PRAG1: variants seen among roughly 807,000 people sequenced by gnomAD.
PRAG1 encodes the protein inactive tyrosine-protein kinase PRAG1.
In PRAG1, 110 loss-of-function variants were observed where a neutral mutation model predicts 95.6. That is an observed-to-expected ratio of 1.15 (90% CI 0.99 to 1.35). The LOEUF (loss-of-function observed/expected upper bound fraction) is 1.35. Among genes scored for constraint, PRAG1 ranks in the 40% most tolerant of loss-of-function variants. The pLI is 0.00. For missense variants in PRAG1, 2,554 were observed against 1,864.7 expected, an observed-to-expected ratio of 1.37 and a Z score of -6.81; for synonymous variants, 1,052 against 819.4, an observed-to-expected ratio of 1.28 and a Z score of -4.85.
chr8:8,339,417 C>T (rs920658485), intron 4 of PRAG1, 61 bp downstream of exon 4: 5 of 1,574,950 alleles, frequency 3.2e-6, no homozygotes, highest in Non-Finnish European at 4.4e-6. Flanking sequence ...GCAAGCAACG[C>T]AGGACTGGTC....
At chr8:8,350,011 G>A (rs1193678791) in intron 3 of PRAG1, among the ~76,000 whole-genome samples, 1 of 151,644 alleles carries the variant, frequency 6.6e-6, no homozygotes, top group African/African-American at 2.4e-5. Flanking sequence ...TCGGTTACTA[G>A]TTGGTTTCAG....
intron 1 of PRAG1, 25 bp from the exon 2 acceptor site, chr8:8,381,859 A>T: frequency 1.2e-6 from 1 of 814,026 alleles, no homozygotes; most frequent in Non-Finnish European, 1.9e-6. Context: ...CAGTTTCCTG[A>T]TTAGAGATTT....
Position 8,381,819 on chromosome 8 carries a change from G to T in PRAG1, c.-72C>A. ...GCAGTTTTGTGGGATTCAGAGGTGG[G>T]TCACAGAGCGGCTTCCTAGAAAGGC... is the stretch of plus-strand genomic sequence containing the variant. On this transcript the variant is annotated 5_prime_UTR_variant, in exon 2 of 6. Transcript: ENST00000615670. 1 of 1,289,310 alleles carries T rather than the reference G, an allele frequency of 7.8e-7. No homozygotes were observed. The highest frequency in any genetic ancestry group is 1.1e-6 in the Non-Finnish European group (1 of 950,948). The allele number at this position is 1,289,310 out of a possible 1,614,324, so 79.9% of individuals were successfully genotyped here.
rs144993165 is a variant in PRAG1, at chr8:8,378,674, A to T, written c.331-596T>A. 5.7e-3 allele frequency among the ~76,000 whole-genome samples: 872 copies of T among 152,220 alleles called. 15 individuals carry two copies. Among genetic ancestry groups the T allele is most frequent in the Non-Finnish European group, 8.9e-3 (603 of 68,004 alleles). ...CAGGAGTTCAAGACGAGCCTGGGCA[A>T]CATGGCCAAATCCCATCTCTACAAA... On this transcript the variant is annotated intron_variant, in intron 2 of 5. Coordinates refer to ENST00000615670, the MANE Select transcript of PRAG1 (RefSeq NM_001080826.3).
chr8:8,345,370 A>C (rs1799305413), intron 3 of PRAG1, among the ~76,000 whole-genome samples: 1 of 150,362 alleles, frequency 6.7e-6, no homozygotes, highest in African/African-American at 2.4e-5. Flanking sequence ...GTCTCTACAA[A>C]AAAAAAAAAA....
At chr8:8,331,027 C>A (rs576434532) in intron 4 of PRAG1, among the ~76,000 whole-genome samples, 2 of 152,150 alleles carry the variant, frequency 1.3e-5, no homozygotes, top group Non-Finnish European at 2.9e-5. Flanking sequence ...CCGTCACCAG[C>A]GAGGCGTCTG....
At chr8:8,374,019 C>A (rs1800298921) in intron 3 of PRAG1, among the ~76,000 whole-genome samples, 1 of 152,180 alleles carries the variant, frequency 6.6e-6, no homozygotes, top group Non-Finnish European at 1.5e-5. Flanking sequence ...GAGTGGCGTT[C>A]CTGGGATTGA....
intron 4 of PRAG1, among the ~76,000 whole-genome samples, chr8:8,334,843 G>A (rs777012501): frequency 1.4e-4 from 21 of 151,998 alleles, no homozygotes; most frequent in Admixed American, 3.9e-4. Context: ...AGCACTTTGG[G>A]AGGCTGAGGT....
chr8:8,328,208 G>C lies in PRAG1; in HGVS notation c.2574C>G (p.Asp858Glu). ...TCAACGAATAGCTAAAGTGAGATTCGTCGTGGACGTTGGTTTCCGAGTGGC... is the reference window on the plus strand; with the variant it reads ...TCAACGAATAGCTAAAGTGAGATTCCTCGTGGACGTTGGTTTCCGAGTGGC... ...NLSHSETNVH[D>E]ESHFSYSLSP... The change falls in exon 5 of 6, where the codon GAC (aspartate) becomes GAG (glutamate). Residue 858 changes from aspartate to glutamate, a missense_variant. Physicochemically the swap from Asp to Glu is conservative, Grantham distance 45. Coordinates refer to ENST00000615670, the MANE Select transcript of PRAG1 (RefSeq NM_001080826.3). 2.5e-6 allele frequency: 4 copies of C among 1,614,182 alleles called. No homozygotes were observed. The highest frequency in any genetic ancestry group is 3.4e-6 in the Non-Finnish European group (4 of 1,180,038).
At chr8:8,319,498 T>C (rs1232412459) in intron 5 of PRAG1, among the ~76,000 whole-genome samples, 196 bp from the exon 6 acceptor site, 1 of 152,170 alleles carries the variant, frequency 6.6e-6, no homozygotes, top group Non-Finnish European at 1.5e-5. Context: ...ATTTCTTAAA[T>C]ATCACACCAA....
At chr8:8,324,236 A>C (rs1375863977) in intron 5 of PRAG1, among the ~76,000 whole-genome samples, 3 of 152,186 alleles carry the variant, frequency 2.0e-5, no homozygotes, top group Non-Finnish European at 4.4e-5. Flanking sequence ...AAGAGTTTCC[A>C]AGGCTCCTTT....
chr8:8,348,325 T>A (rs1799413265), intron 3 of PRAG1, among the ~76,000 whole-genome samples: 1 of 152,158 alleles, frequency 6.6e-6, no homozygotes, highest in African/African-American at 2.4e-5. Flanking sequence ...CCATAAGGAT[T>A]CTCTCTAGCT....
At chr8:8,382,426 C>G (rs1204408613) in intron 1 of PRAG1, among the ~76,000 whole-genome samples, 1 of 152,180 alleles carries the variant, frequency 6.6e-6, no homozygotes, top group Non-Finnish European at 1.5e-5. Context: ...GGCCTGTCCT[C>G]TAGACCTTAT....
In PRAG1 at chr8:8,323,318, T is replaced by TC. The variant is rs980861568; in HGVS notation, c.3073-4017dup. Among the ~76,000 whole-genome samples, 7 of 123,264 alleles carry TC rather than the reference T, an allele frequency of 5.7e-5. No individual in the cohort carries two copies. The South Asian group carries it at 1.5e-3, about 26-fold the overall frequency. 80.9% of individuals were successfully genotyped at this position (123,264 alleles called of 152,430 possible). A position where few individuals can be genotyped will look rare whatever the true frequency, so the allele number is the denominator to read the frequency against. ...GCTTTATAAGGGGTTTTCTTTTCCC[T>TC]CCCTTTTTTTTTTTTTTTGAGATAG... On this transcript the variant is annotated intron_variant, in intron 5 of 5. Transcript: ENST00000615670.
Position 8,318,408 on chromosome 8 carries a change from G to T in PRAG1, c.3967C>A (p.Arg1323Ser), listed in dbSNP as rs1189421695. Reference protein sequence around the residue: ...IKRIRIGEAKRVLQCLLWGPR... With the variant: ...IKRIRIGEAKSVLQCLLWGPR... ...CCCCACAGCAGGCACTGCAGCACGC[G>T]CTTGGCCTCGCCGATGCGGATACGC... is the stretch of plus-strand genomic sequence containing the variant. Residue 1323 changes from arginine (R) to serine (S), a missense_variant, in exon 6 of 6, where the codon CGC becomes AGC. Transcript: ENST00000615670. This position sits in a 1 kb window ranked among gnomAD's most constrained non-coding sequence, Gnocchi z 4.2. 1.5e-5 allele frequency: 24 copies of T among 1,613,050 alleles called. No individual in the cohort carries two copies. In the Admixed American group the frequency reaches 2.5e-4, roughly 17 times the overall value.
At chr8:8,368,842 A>T (rs1189160495) in intron 3 of PRAG1, among the ~76,000 whole-genome samples, 4 of 152,122 alleles carry the variant, frequency 2.6e-5, no homozygotes, top group African/African-American at 9.7e-5. Context: ...GGTGGAAAAA[A>T]AAAAGTGTTT....
chr8:8,334,007 C>T lies in PRAG1; in HGVS notation c.2320+5471G>A, dbSNP rs76377944. Among the ~76,000 whole-genome samples the T allele has an allele frequency of 9.9e-3, 1,504 of 152,330 alleles. 34 individuals carry two copies. Among genetic ancestry groups the T allele is most frequent in the African/African-American group, 0.034 (1,399 of 41,568 alleles). On this transcript the variant is annotated intron_variant, in intron 4 of 5. Coordinates refer to ENST00000615670, the MANE Select transcript of PRAG1 (RefSeq NM_001080826.3). The stretch of plus-strand genomic sequence containing the variant: ...TGCCAACCCCCATTAACTATTCCTG[C>T]ATCAGAGAGGATGAAGGGTGGGGCA...
intron 3 of PRAG1, among the ~76,000 whole-genome samples, chr8:8,368,929 A>G (rs1800101996): frequency 6.6e-6 from 1 of 152,170 alleles, no homozygotes; most frequent in Admixed American, 6.5e-5. Context: ...TTGAAAAAAA[A>G]AAAAAAAAGC....
At chr8:8,368,791 A>T (rs944417610) in intron 3 of PRAG1, among the ~76,000 whole-genome samples, 13 of 152,170 alleles carry the variant, frequency 8.5e-5, no homozygotes, top group Non-Finnish European at 1.6e-4. Context: ...AGCTATTCTC[A>T]GACAAGCAAA....
Sources: allele counts gnomAD v4.1 joint callset (sites outside exome capture counted in the v4.1 genomes callset), GRCh38; gene constraint gnomAD v4.1.1; non-coding constraint Gnocchi (gnomAD v3.1); transcripts MANE v1.5; gene names NCBI Gene and HGNC (gene_info 2026-07-23, HGNC 2026-07-21).